The following TRIM2 variants were observed in gnomAD, a reference collection of about 807,000 sequenced individuals.
TRIM2 encodes the protein tripartite motif-containing protein 2.
In TRIM2, 20 loss-of-function variants were observed where a neutral mutation model predicts 75.2. That is an observed-to-expected ratio of 0.27 (90% CI 0.19 to 0.39). The LOEUF is 0.39. Among genes scored for constraint, TRIM2 ranks in the 10% least tolerant of loss-of-function variants. The probability of loss-of-function intolerance (pLI) is 1.00; values close to 1 mark genes in which losing one functional copy is unlikely to be tolerated. For synonymous variants in TRIM2, 373 were observed against 388.3 expected (o/e 0.96, Z 0.46); for missense variants, 660 against 990.8 (o/e 0.67, Z 4.48).
chr4:153,328,267 G>T (rs1307733638), intron 10 of TRIM2, among the ~76,000 whole-genome samples: 1 of 152,030 alleles, frequency 6.6e-6, no homozygotes, highest in Non-Finnish European at 1.5e-5. Context: ...TATAACAAAG[G>T]TATCATTCAC....
intron 2 of TRIM2, among the ~76,000 whole-genome samples, chr4:153,271,912 C>A (rs1477265781): frequency 6.6e-6 from 1 of 152,152 alleles, no homozygotes; most frequent in Non-Finnish European, 1.5e-5. Flanking sequence ...CAGTGTCCAG[C>A]CTATCTATTG....
chr4:153,173,577 C>T (rs971340081), intron 1 of TRIM2, among the ~76,000 whole-genome samples: 1 of 151,498 alleles, frequency 6.6e-6, no homozygotes, highest in Non-Finnish European at 1.5e-5. Context: ...CAAGCAGAAT[C>T]GCTTGAACCC....
chr4:153,227,220 C>T (rs767252967), intron 1 of TRIM2, among the ~76,000 whole-genome samples: 2 of 152,160 alleles, frequency 1.3e-5, no homozygotes, highest in Non-Finnish European at 2.9e-5. Context: ...AAGGCTCTTT[C>T]AGCATTACCT....
chr4:153,215,405 A>T (rs1429211024), intron 1 of TRIM2, among the ~76,000 whole-genome samples: 1 of 151,970 alleles, frequency 6.6e-6, no homozygotes, highest in Non-Finnish European at 1.5e-5. Flanking sequence ...GGAAACATTG[A>T]TGTTGATGTG....
chr4:153,154,058 A>G (rs1728996785), intron 1 of TRIM2, among the ~76,000 whole-genome samples: 1 of 152,130 alleles, frequency 6.6e-6, no homozygotes, highest in African/African-American at 2.4e-5. Context: ...ACAAGGTTTT[A>G]ATTTTACAGA....
intron 1 of TRIM2, among the ~76,000 whole-genome samples, chr4:153,186,505 A>G (rs1732610895): frequency 6.6e-6 from 1 of 152,238 alleles, no homozygotes; most frequent in Non-Finnish European, 1.5e-5. Context: ...GAGCTGTACA[A>G]GGAGCTGAAA....
At chr4:153,302,184 C>T (rs1293559060) in intron 6 of TRIM2, among the ~76,000 whole-genome samples, 2 of 151,984 alleles carry the variant, frequency 1.3e-5, no homozygotes, top group African/African-American at 2.4e-5. Flanking sequence ...AGATCTTTTA[C>T]CTCCTTGGTT....
intron 1 of TRIM2, among the ~76,000 whole-genome samples, chr4:153,213,778 G>A (rs1032197718): frequency 6.6e-5 from 10 of 152,028 alleles, no homozygotes; most frequent in African/African-American, 1.2e-4. Context: ...CACCCGCCTC[G>A]GCCTCCCAAA....
At chr4:153,293,559 T>A (rs755074209) in intron 4 of TRIM2, among the ~76,000 whole-genome samples, 1 of 152,224 alleles carries the variant, frequency 6.6e-6, no homozygotes, top group Non-Finnish European at 1.5e-5. Context: ...TGAGCAGTGA[T>A]TGCTAATTTT....
chr4:153,206,683 C>G (rs1376849334), intron 1 of TRIM2, among the ~76,000 whole-genome samples: 1 of 152,066 alleles, frequency 6.6e-6, no homozygotes, highest in Non-Finnish European at 1.5e-5. Context: ...CCTCTTTGCT[C>G]CCTGGAAACA....
At chr4:153,319,725 T>C (rs1384682345) in intron 8 of TRIM2, among the ~76,000 whole-genome samples, 2 of 151,758 alleles carry the variant, frequency 1.3e-5, no homozygotes, top group South Asian at 2.1e-4. Context: ...AGCAAAACTC[T>C]GTCTCAAAAA....
At chr4:153,250,332 C>T (rs990555263) in intron 1 of TRIM2, among the ~76,000 whole-genome samples, 4 of 152,126 alleles carry the variant, frequency 2.6e-5, no homozygotes, top group African/African-American at 9.7e-5. Flanking sequence ...GTTGACCAGG[C>T]TGGTCTCGAG....
At position 153,196,820 on chromosome 4, in the gene TRIM2, G is replaced by A. The variant is rs147199959; in HGVS notation, c.-49+43550G>A. ...CCCCTTATGATCTCTCCCAACAAAC[G>A]GAAAACCTCAGTGGTGTTAAAACTA... On this transcript the variant is annotated intron_variant, in intron 1 of 11. Coordinates refer to the TRIM2 transcript ENST00000437508. Among the ~76,000 whole-genome samples the A allele has an allele frequency of 9.9e-5, 15 of 152,248 alleles. No homozygotes were observed. In the East Asian group the frequency reaches 2.5e-3, roughly 25 times the overall value.
upstream of TRIM2, among the ~76,000 whole-genome samples, chr4:153,200,716 G>GAA (rs71598251): frequency 0.064 from 8,351 of 130,636 alleles, 305 homozygotes; most frequent in Non-Finnish European, 0.079. Flanking sequence ...TTTTTAGTAA[G>GAA]AAAAAAAAAT....
chr4:153,305,037 G>A (rs938814882), intron 6 of TRIM2, among the ~76,000 whole-genome samples: 19 of 152,306 alleles, frequency 1.2e-4, no homozygotes, highest in African/African-American at 7.2e-5. Context: ...ATGTGATGGA[G>A]TAGACAGAAA....
chr4:153,294,527 T>A (rs1579423264), intron 5 of TRIM2, 42 bp downstream of exon 5: 1 of 1,595,314 alleles, frequency 6.3e-7, no homozygotes, highest in Non-Finnish European at 8.6e-7. Context: ...AGAGACATGA[T>A]ATCCAAGGGC....
intron 1 of TRIM2, chr4:153,222,335 G>A (rs1740821221): frequency 1.3e-5 from 2 of 152,142 alleles, no homozygotes; most frequent in African/African-American, 2.4e-5. Context: ...TCCCCTGAAA[G>A]GACAGTGTTT....
chr4:153,185,264 T>G (rs1303490912), intron 1 of TRIM2, among the ~76,000 whole-genome samples: 1 of 152,204 alleles, frequency 6.6e-6, no homozygotes, highest in Non-Finnish European at 1.5e-5. Context: ...GAAACCCTAC[T>G]GGCCAGTAGA....
intron 6 of TRIM2, among the ~76,000 whole-genome samples, chr4:153,308,944 C>T (rs1765633202): frequency 6.6e-6 from 1 of 152,128 alleles, no homozygotes; most frequent in African/African-American, 2.4e-5. Context: ...AGGACCTTCA[C>T]CCCATCCTTG....
Sources: allele counts gnomAD v4.1 joint callset (sites outside exome capture counted in the v4.1 genomes callset), GRCh38; gene constraint gnomAD v4.1.1; transcripts MANE v1.5; gene names NCBI Gene and HGNC (gene_info 2026-07-23, HGNC 2026-07-21).